Variants in LHFPL3 observed in about 807,000 individuals in gnomAD.
The protein encoded by LHFPL3 is LHFPL tetraspan subfamily member 3, also known as LHFPL tetraspan subfamily member 3 protein.
LHFPL3 carries 5 observed loss-of-function variants against 19.3 expected under a neutral mutation model. The observed-to-expected ratio is 0.26, with a 90% confidence interval of 0.14 to 0.54. The LOEUF (loss-of-function observed/expected upper bound fraction) is 0.54. Ranked by LOEUF, LHFPL3 falls within the 20% of genes least tolerant of loss-of-function variation. LHFPL3 has a pLI of 0.94. For synonymous variants in LHFPL3, 133 were observed against 126.2 expected, an observed-to-expected ratio of 1.05 and a Z score of -0.36; for missense variants, 249 against 307.4, an observed-to-expected ratio of 0.81 and a Z score of 1.42.
At chr7:104,858,161 G>C (rs1791545708) in intron 2 of LHFPL3, among the ~76,000 whole-genome samples, 1 of 152,156 alleles carries the variant, frequency 6.6e-6, no homozygotes, top group Non-Finnish European at 1.5e-5. Flanking sequence ...CAAGCTGTGG[G>C]AGCCACAGGC....
chr7:104,405,331 C>A (rs1791394021), intron 1 of LHFPL3, among the ~76,000 whole-genome samples: 1 of 152,070 alleles, frequency 6.6e-6, no homozygotes, highest in African/African-American at 2.4e-5. Flanking sequence ...TTTTTACTTA[C>A]TAAAAATGTA....
intron 2 of LHFPL3, among the ~76,000 whole-genome samples, chr7:104,897,894 A>G (rs777691122): frequency 2.1e-4 from 32 of 152,114 alleles, no homozygotes; most frequent in Admixed American, 3.3e-4. Flanking sequence ...AAACCTTTCC[A>G]TAAAGGTAGT....
chr7:104,778,129 G>C (rs1457205181), intron 2 of LHFPL3, among the ~76,000 whole-genome samples: 1 of 152,162 alleles, frequency 6.6e-6, no homozygotes, highest in Non-Finnish European at 1.5e-5. Flanking sequence ...GCTATGACCA[G>C]GGAGATCCTA....
rs953119031 is a variant in LHFPL3, at chr7:104,374,924, T to C, written c.445+45700T>C. Among the ~76,000 whole-genome samples the C allele has an allele frequency of 3.3e-5, 5 of 152,236 alleles. No individual in the cohort carries two copies. In the East Asian group the frequency reaches 9.6e-4, roughly 29 times the overall value. The stretch of plus-strand genomic sequence containing the variant: ...AGTAGTAGAATTGGCAGCAGAATGG[T>C]CTGACTTCCTCTGTCATTTAGATCA... On this transcript the variant is annotated intron_variant, in intron 1 of 2. Coordinates refer to ENST00000424859, the MANE Select transcript of LHFPL3 (RefSeq NM_199000.3).
At chr7:104,669,904 T>C (rs1358610773) in intron 1 of LHFPL3, among the ~76,000 whole-genome samples, 2 of 152,164 alleles carry the variant, frequency 1.3e-5, no homozygotes, top group African/African-American at 4.8e-5. Flanking sequence ...GACAGTGATA[T>C]AACGCCTGGA....
In LHFPL3 at chr7:104,622,565, C is replaced by A. The variant is rs150298744; in HGVS notation, c.446-114110C>A. ...GGTTTTAGAACATTTTAATCTCCATCCCCCCCAAAAATCCTCATACCCATT... is the reference window on the plus strand; with the variant it reads ...GGTTTTAGAACATTTTAATCTCCATACCCCCCAAAAATCCTCATACCCATT... On this transcript the variant is annotated intron_variant, in intron 1 of 2. Coordinates refer to ENST00000424859, the MANE Select transcript of LHFPL3 (RefSeq NM_199000.3). 7.0e-3 allele frequency among the ~76,000 whole-genome samples: 1,073 copies of A among 152,204 alleles called. 10 individuals are homozygous for A. The highest frequency in any genetic ancestry group is 0.024 in the African/African-American group (1,001 of 41,536).
chr7:104,753,325 A>G (rs1794213655), intron 2 of LHFPL3, among the ~76,000 whole-genome samples: 1 of 152,232 alleles, frequency 6.6e-6, no homozygotes, highest in Non-Finnish European at 1.5e-5. Context: ...TGATGTATAC[A>G]GTGATCAAGT....
chr7:104,490,977 A>G (rs1324068874), intron 1 of LHFPL3, among the ~76,000 whole-genome samples: 2 of 152,066 alleles, frequency 1.3e-5, no homozygotes, highest in African/African-American at 4.8e-5. Context: ...GCCCTCCAGG[A>G]CCCTAGGCTT....
At chr7:104,660,136 G>C (rs1330476920) in intron 1 of LHFPL3, among the ~76,000 whole-genome samples, 1 of 152,100 alleles carries the variant, frequency 6.6e-6, no homozygotes, top group African/African-American at 2.4e-5. Context: ...GAAGTAGCTG[G>C]GACTACAGGT....
At chr7:104,522,523 A>G (rs1351762923) in intron 1 of LHFPL3, among the ~76,000 whole-genome samples, 1 of 152,034 alleles carries the variant, frequency 6.6e-6, no homozygotes, top group African/African-American at 2.4e-5. Flanking sequence ...GTACCCTAAA[A>G]CTTAAAGTAT....
intron 2 of LHFPL3, among the ~76,000 whole-genome samples, chr7:104,833,044 T>TTATATATAATAGATATATTA (rs1554349408): frequency 3.8e-3 from 4 of 1,058 alleles, no homozygotes; most frequent in African/African-American, 0.011. Flanking sequence ...TATATATATA[T>TTATATATAATAGATATATTA]TATATATATA....
chr7:104,595,339 C>T (rs183154215), intron 1 of LHFPL3, among the ~76,000 whole-genome samples: 262 of 152,296 alleles, frequency 1.7e-3, no homozygotes, highest in Middle Eastern at 0.014. Flanking sequence ...AGTTCCACTC[C>T]AGACCCTGTT....
chr7:104,530,397 T>C (rs1374808952), intron 1 of LHFPL3, among the ~76,000 whole-genome samples: 1 of 152,186 alleles, frequency 6.6e-6, no homozygotes, highest in East Asian at 1.9e-4. Context: ...CCAGCAGTTA[T>C]ATTTCCAATA....
chr7:104,803,834 A>G (rs1355359730), intron 2 of LHFPL3: 1 of 152,216 alleles, frequency 6.6e-6, no homozygotes, highest in African/African-American at 2.4e-5. Context: ...TACACGAACC[A>G]GATGTGCCTA....
chr7:104,351,757 A>G (rs1205417250), intron 1 of LHFPL3, among the ~76,000 whole-genome samples: 1 of 152,194 alleles, frequency 6.6e-6, no homozygotes, highest in Admixed American at 6.5e-5. Context: ...GATAAATTCA[A>G]CCTCTCATAT....
intron 1 of LHFPL3, among the ~76,000 whole-genome samples, chr7:104,582,388 TTAAA>T (rs1285623861): frequency 1.3e-5 from 2 of 152,052 alleles, no homozygotes; most frequent in Non-Finnish European, 2.9e-5. Flanking sequence ...TATTTTCTAC[TTAAA>T]TAATTATGCC....
chr7:104,453,757 C>T (rs1486895665), intron 1 of LHFPL3, among the ~76,000 whole-genome samples: 2 of 152,038 alleles, frequency 1.3e-5, no homozygotes, highest in Non-Finnish European at 2.9e-5. Flanking sequence ...GATAAGTAAG[C>T]TGTCACTCTG....
At chr7:104,730,097 G>C (rs1187835337) in intron 1 of LHFPL3, among the ~76,000 whole-genome samples, 1 of 152,180 alleles carries the variant, frequency 6.6e-6, no homozygotes. Flanking sequence ...TGGCTGCAGA[G>C]TATTCCATGG....
chr7:104,864,906 T>C (rs1308079797), intron 2 of LHFPL3, among the ~76,000 whole-genome samples: 1 of 152,140 alleles, frequency 6.6e-6, no homozygotes, highest in African/African-American at 2.4e-5. Flanking sequence ...GCAGCAACAT[T>C]TGCTGTTCAC....
Sources: gnomAD v4.1 joint callset for allele counts (sites outside exome capture counted in the v4.1 genomes callset) on GRCh38, gnomAD v4.1.1 for gene constraint, MANE v1.5 for transcripts, NCBI Gene and HGNC (gene_info 2026-07-23, HGNC 2026-07-21) for gene names.